The following PKP4 variants were observed in gnomAD, a reference collection of about 807,000 sequenced individuals.
The protein encoded by PKP4 is plakophilin 4, also known as plakophilin-4.
A neutral mutation model predicts 145.1 loss-of-function variants in PKP4; 90 were observed. That is an observed-to-expected ratio of 0.62 (90% CI 0.52 to 0.74). PKP4 has a LOEUF of 0.74. Ranked by LOEUF, PKP4 falls within the 30% of genes least tolerant of loss-of-function variation. The pLI is 0.00. For missense variants in PKP4, 1,340 were observed against 1,482.7 expected (o/e 0.90, Z 1.58); for synonymous variants, 563 against 577.2 (o/e 0.98, Z 0.35).
At chr2:158,468,770 C>CTTTTTTTTTTTTTTTTTT (rs58577988) in intron 1 of PKP4, among the ~76,000 whole-genome samples, 5 of 109,964 alleles carry the variant, frequency 4.5e-5, no homozygotes, top group Non-Finnish European at 8.8e-5. Context: ...TCTTCTTCTT[C>CTTTTTTTTTTTTTTTTTT]TTTTTTTTTT....
chr2:158,572,944 CA>C (rs1411235743), intron 2 of PKP4, among the ~76,000 whole-genome samples: 1 of 152,176 alleles, frequency 6.6e-6, no homozygotes, highest in Admixed American at 6.5e-5. Flanking sequence ...AGTAACCTGA[CA>C]ATCATTATCA....
intron 2 of PKP4, among the ~76,000 whole-genome samples, chr2:158,570,833 A>G (rs1486071730): frequency 6.6e-6 from 1 of 152,188 alleles, no homozygotes; most frequent in Non-Finnish European, 1.5e-5. Flanking sequence ...AAAATACTCA[A>G]TGAAAGAGAT....
chr2:158,570,121 T>A (rs2047301073), intron 2 of PKP4, among the ~76,000 whole-genome samples: 1 of 152,176 alleles, frequency 6.6e-6, no homozygotes. Context: ...TTAAGTAAAT[T>A]GTGGTAGATG....
chr2:158,662,889 G>T lies in PKP4; in HGVS notation c.2212-8G>T. 1 of 1,586,196 alleles carries T rather than the reference G, an allele frequency of 6.3e-7. No individual in the cohort carries two copies. Among genetic ancestry groups the T allele is most frequent in the South Asian group, 1.1e-5 (1 of 88,450 alleles). On this transcript the variant is annotated splice_region_variant and splice_polypyrimidine_tract_variant and intron_variant, in intron 13 of 21. Coordinates refer to ENST00000389759, the MANE Select transcript of PKP4 (RefSeq NM_003628.6). Reference sequence around the variant, plus strand: ...TTGTTTTTAATTATACGCCATGCTGGGTTTCAGACGGTGGAGAACTGCGTG... The same window carrying T: ...TTGTTTTTAATTATACGCCATGCTGTGTTTCAGACGGTGGAGAACTGCGTG...
chr2:158,526,559 C>G (rs1289119241), intron 1 of PKP4, among the ~76,000 whole-genome samples: 1 of 73,398 alleles, frequency 1.4e-5, no homozygotes, highest in African/African-American at 5.9e-5. Context: ...GAAGCATTCC[C>G]TTTGAAAACT....
At chr2:158,520,570 A>G (rs1429851227) in intron 1 of PKP4, among the ~76,000 whole-genome samples, 1 of 152,150 alleles carries the variant, frequency 6.6e-6, no homozygotes, top group Non-Finnish European at 1.5e-5. Flanking sequence ...TTCTTTTTCC[A>G]TTCTGTGAGA....
intron 3 of PKP4, 68 bp downstream of exon 3, chr2:158,577,451 C>A: frequency 2.1e-6 from 2 of 964,210 alleles, no homozygotes; most frequent in Non-Finnish European, 3.2e-6. Context: ...GTTCTCTATG[C>A]AGCAAAAGAT....
chr2:158,503,965 CTTTTTT>C (rs59715903), intron 1 of PKP4, among the ~76,000 whole-genome samples: 1 of 86,896 alleles, frequency 1.2e-5, no homozygotes, highest in Non-Finnish European at 2.3e-5. Flanking sequence ...TAAATTCTGG[CTTTTTT>C]TTTTTTTTTT....
chr2:158,610,122 A>G (rs184735005), intron 4 of PKP4, among the ~76,000 whole-genome samples: 91 of 152,346 alleles, frequency 6.0e-4, no homozygotes, highest in Admixed American at 9.1e-4. Context: ...CATTCTAAAA[A>G]TATAAATGCA....
In PKP4 at chr2:158,625,353, A is replaced by T; in HGVS notation, c.1079A>T (p.Asp360Val). ...CCTTCACTGCAAAGGACTGTTCATG[A>T]CATGGAGCAATTCGGACAGCAGCAG... ...LGPSLQRTVH[D>V]MEQFGQQQYD... The change falls in exon 7 of 22, where the codon GAC becomes GTC. Residue 360 changes from aspartate (D) to valine (V), a missense_variant. Physicochemically the swap from Asp to Val is radical, Grantham distance 152. Transcript: ENST00000389759. 1 of 1,614,198 alleles carries T rather than the reference A, an allele frequency of 6.2e-7. No homozygotes were observed. The highest frequency in any genetic ancestry group is 8.5e-7 in the Non-Finnish European group (1 of 1,180,032).
chr2:158,475,683 A>G (rs1317181123), intron 1 of PKP4, among the ~76,000 whole-genome samples: 1 of 152,188 alleles, frequency 6.6e-6, no homozygotes, highest in Non-Finnish European at 1.5e-5. Flanking sequence ...TAGTTGGGAT[A>G]TCTTTGAGGT....
chr2:158,633,970 C>T, intron 8 of PKP4, 100 bp from the exon 9 acceptor site: 2 of 667,350 alleles, frequency 3.0e-6, no homozygotes, highest in Non-Finnish European at 5.1e-6. Context: ...TATATAATTG[C>T]CAAAAAATAT....
chr2:158,634,399 T>C (rs2053641155), intron 9 of PKP4, 110 bp downstream of exon 9: 2 of 693,108 alleles, frequency 2.9e-6, no homozygotes, highest in African/African-American at 1.8e-5. Flanking sequence ...CATTATACTA[T>C]CATTAATTCC....
intron 1 of PKP4, among the ~76,000 whole-genome samples, chr2:158,483,540 C>T (rs1285746864): frequency 6.6e-6 from 1 of 152,046 alleles, no homozygotes; most frequent in Non-Finnish European, 1.5e-5. Context: ...ATATGTAATA[C>T]AGCATCATAG....
At chr2:158,563,958 T>G (rs1301334351) in intron 2 of PKP4, among the ~76,000 whole-genome samples, 2 of 152,220 alleles carry the variant, frequency 1.3e-5, no homozygotes, top group Non-Finnish European at 1.5e-5. Context: ...GTTCGAGGAA[T>G]TGACAGTTTC....
chr2:158,523,863 A>G (rs1371795514), intron 1 of PKP4, among the ~76,000 whole-genome samples: 2 of 141,816 alleles, frequency 1.4e-5, no homozygotes, highest in Non-Finnish European at 3.0e-5. Context: ...GATGTGATCA[A>G]CTGGAAGAAA....
rs73006934 is a variant in PKP4 at position 158,669,676 on chromosome 2, C to G, written c.2729-44C>G. 38,585 of 1,443,304 alleles carry G rather than the reference C, an allele frequency of 0.027. 1,921 individuals are homozygous for G. Among genetic ancestry groups the G allele is most frequent in the African/African-American group, 0.21 (14,936 of 70,918 alleles). 89.4% of individuals were successfully genotyped at this position (1,443,304 alleles called of 1,614,324 possible). A position where few individuals can be genotyped will look rare whatever the true frequency, so the allele number is the denominator to read the frequency against. ...GAATCTGAACAACAATAACAAAAAC[C>G]TAGTACCTTCTGGAAGTAGAATTTA... On this transcript the variant is annotated intron_variant, in intron 16 of 21. Transcript: ENST00000389759.
rs375720431 is a variant in PKP4 at position 158,656,322 on chromosome 2, T to A, written c.1910-1809T>A. Among the ~76,000 whole-genome samples, 20 of 151,424 alleles carry A rather than the reference T, an allele frequency of 1.3e-4. 2 individuals carry two copies. Among genetic ancestry groups the A allele is most frequent in the South Asian group, 1.3e-3 (6 of 4,762 alleles). On this transcript the variant is annotated intron_variant, in intron 11 of 21. Transcript: ENST00000389759. ...TGGAGAAATAGCTCCAACTGTAGAATTTAAGTTCTTTTCATAAGCACCCAT... is the reference window on the plus strand; with the variant it reads ...TGGAGAAATAGCTCCAACTGTAGAAATTAAGTTCTTTTCATAAGCACCCAT...
At chr2:158,499,247 C>G (rs1277266601) in intron 1 of PKP4, among the ~76,000 whole-genome samples, 1 of 151,950 alleles carries the variant, frequency 6.6e-6, no homozygotes, top group African/African-American at 2.4e-5. Context: ...GGGCCCCTTT[C>G]ATATCAAAAC....
Sources: allele counts gnomAD v4.1 joint callset (sites outside exome capture counted in the v4.1 genomes callset), GRCh38; gene constraint gnomAD v4.1.1; transcripts MANE v1.5; gene names NCBI Gene and HGNC (gene_info 2026-07-23, HGNC 2026-07-21).